CDKAL1: variants seen among roughly 807,000 people sequenced by gnomAD.
CDKAL1 encodes CDKAL1 threonylcarbamoyladenosine tRNA methylthiotransferase, also known as threonylcarbamoyladenosine tRNA methylthiotransferase.
In CDKAL1, 32 loss-of-function variants were observed where a neutral mutation model predicts 68.2. The ratio of observed to expected loss-of-function variants is 0.47; its 90% CI spans 0.35 to 0.63. CDKAL1 has a LOEUF of 0.63. Ranked by LOEUF, CDKAL1 falls within the 30% of genes least tolerant of loss-of-function variation. The pLI, the probability that CDKAL1 is intolerant of heterozygous loss-of-function variation, is 0.00. For missense variants in CDKAL1, 606 were observed against 696.7 expected (o/e 0.87, Z 1.47); for synonymous variants, 234 against 244.3 (o/e 0.96, Z 0.39).
At chr6:20,608,312 T>TTTGTA (rs1323753410) in intron 4 of CDKAL1, among the ~76,000 whole-genome samples, 3 of 152,156 alleles carry the variant, frequency 2.0e-5, no homozygotes, top group Non-Finnish European at 4.4e-5. Flanking sequence ...CTATATATAG[T>TTTGTA]TTGTATACTT....
intron 11 of CDKAL1, among the ~76,000 whole-genome samples, chr6:21,008,516 T>C (rs919602618): frequency 1.3e-5 from 2 of 152,160 alleles, no homozygotes; most frequent in African/African-American, 4.8e-5. Flanking sequence ...GAGTTGCCTC[T>C]TATAAGCAAG....
intron 9 of CDKAL1, among the ~76,000 whole-genome samples, chr6:20,847,352 G>T (rs1244514070): frequency 6.6e-6 from 1 of 152,084 alleles, no homozygotes; most frequent in Non-Finnish European, 1.5e-5. Flanking sequence ...TTTAAAAGGA[G>T]AAAAAATTTT....
At chr6:21,206,479 T>G (rs1391669358) in intron 15 of CDKAL1, among the ~76,000 whole-genome samples, 1 of 152,224 alleles carries the variant, frequency 6.6e-6, no homozygotes, top group East Asian at 1.9e-4. Flanking sequence ...CGCTTGAATC[T>G]TACCATTTCT....
At chr6:20,628,855 C>G (rs899689450) in intron 4 of CDKAL1, among the ~76,000 whole-genome samples, 1 of 152,002 alleles carries the variant, frequency 6.6e-6, no homozygotes, top group Non-Finnish European at 1.5e-5. Context: ...AGTACAAAAC[C>G]CTTTTTTTTT....
At chr6:20,886,521 A>G (rs756476879) in intron 9 of CDKAL1, among the ~76,000 whole-genome samples, 5 of 152,244 alleles carry the variant, frequency 3.3e-5, no homozygotes, top group Non-Finnish European at 5.9e-5. Flanking sequence ...GATAAACAAA[A>G]TATTGGATGT....
intron 8 of CDKAL1, among the ~76,000 whole-genome samples, chr6:20,809,121 C>A (rs918234620): frequency 6.6e-6 from 1 of 152,130 alleles, no homozygotes; most frequent in Admixed American, 6.5e-5. Context: ...ATAACAAAAT[C>A]TGTGATCTTT....
At chr6:20,614,026 A>T (rs1423900875) in intron 4 of CDKAL1, among the ~76,000 whole-genome samples, 1 of 151,908 alleles carries the variant, frequency 6.6e-6, no homozygotes, top group Non-Finnish European at 1.5e-5. Context: ...GAAAAATGGG[A>T]TCTCAGTGTC....
At chr6:20,573,513 A>C (rs1447893450) in intron 4 of CDKAL1, among the ~76,000 whole-genome samples, 1 of 152,164 alleles carries the variant, frequency 6.6e-6, no homozygotes, top group Non-Finnish European at 1.5e-5. Context: ...CATCAGCATG[A>C]TGATTTATAT....
chr6:21,047,425 A>C (rs1561987610), intron 11 of CDKAL1, among the ~76,000 whole-genome samples: 1 of 152,188 alleles, frequency 6.6e-6, no homozygotes, highest in Non-Finnish European at 1.5e-5. Flanking sequence ...CTAGGACGTA[A>C]AGGAAAATAT....
intron 5 of CDKAL1, among the ~76,000 whole-genome samples, chr6:20,697,577 A>G (rs1353857125): frequency 2.0e-5 from 3 of 152,222 alleles, no homozygotes; most frequent in Non-Finnish European, 4.4e-5. Context: ...TAATAATCTG[A>G]TAAAAGCCAT....
intron 5 of CDKAL1, among the ~76,000 whole-genome samples, chr6:20,712,853 G>C (rs1417158463): frequency 6.6e-6 from 1 of 152,066 alleles, no homozygotes; most frequent in Non-Finnish European, 1.5e-5. Flanking sequence ...TGTTGGCCAG[G>C]CTGGTCTTGA....
At chr6:20,776,722 A>G (rs1330001136) in intron 7 of CDKAL1, among the ~76,000 whole-genome samples, 3 of 152,250 alleles carry the variant, frequency 2.0e-5, no homozygotes, top group East Asian at 3.9e-4. Flanking sequence ...TCAAAAGCAA[A>G]TCATGTCAGT....
At chr6:20,956,477 A>G (rs965245988) in intron 10 of CDKAL1, among the ~76,000 whole-genome samples, 4 of 152,200 alleles carry the variant, frequency 2.6e-5, no homozygotes, top group African/African-American at 7.2e-5. Flanking sequence ...CTTTAGACCC[A>G]TAGTTATGGA....
intron 13 of CDKAL1, among the ~76,000 whole-genome samples, chr6:21,130,178 T>C (rs1775229823): frequency 6.6e-6 from 1 of 151,930 alleles, no homozygotes; most frequent in Admixed American, 6.6e-5. Flanking sequence ...ATTCTGTGAT[T>C]CAAAACTCTA....
chr6:20,651,345 GCT>G (rs1006065783), intron 5 of CDKAL1, among the ~76,000 whole-genome samples: 25 of 152,040 alleles, frequency 1.6e-4, no homozygotes, highest in African/African-American at 5.8e-4. Flanking sequence ...TCATGATTTG[GCT>G]CTCAGTTTGT....
At chr6:21,194,995 G>A (rs907475581) in intron 13 of CDKAL1, among the ~76,000 whole-genome samples, 1 of 152,172 alleles carries the variant, frequency 6.6e-6, no homozygotes, top group Non-Finnish European at 1.5e-5. Context: ...AGACTGGAGT[G>A]CAGTGGCATG....
rs1763085849 is a variant in CDKAL1, at chr6:20,534,465, G to A, written c.-159G>A. On this transcript the variant is annotated 5_prime_UTR_variant, in exon 1 of 16. The change creates a new upstream start codon in the 5' untranslated region. Transcript: ENST00000274695. ...CGTCGCTGAGCATGCGCAAATAAAC[G>A]TGGCGGGACGTATGTGTCATGGCGC... 1 of 152,746 alleles carries A rather than the reference G, an allele frequency of 6.5e-6. No individual in the cohort carries two copies. The highest frequency in any genetic ancestry group is 1.5e-5 in the Non-Finnish European group (1 of 68,034). 9.5% of individuals were successfully genotyped at this position (152,746 alleles called of 1,614,324 possible).
At chr6:20,918,231 A>G (rs1317791275) in intron 9 of CDKAL1, among the ~76,000 whole-genome samples, 1 of 152,222 alleles carries the variant, frequency 6.6e-6, no homozygotes, top group Admixed American at 6.5e-5. Flanking sequence ...CTGCTGGCAC[A>G]TTGGTCTTTG....
chr6:20,795,966 A>C (rs1371577081), intron 8 of CDKAL1, among the ~76,000 whole-genome samples: 2 of 152,148 alleles, frequency 1.3e-5, no homozygotes, highest in South Asian at 4.1e-4. Context: ...TCAGCCCTCT[A>C]TTTAGGCATG....
Sources: allele counts gnomAD v4.1 joint callset (sites outside exome capture counted in the v4.1 genomes callset), GRCh38; gene constraint gnomAD v4.1.1; transcripts MANE v1.5; gene names NCBI Gene and HGNC (gene_info 2026-07-23, HGNC 2026-07-21).